Variants in ABCG5 observed in about 807,000 individuals in gnomAD.
The protein encoded by ABCG5 is ATP binding cassette subfamily G member 5.
Under a neutral mutation model 64.5 loss-of-function variants are expected in ABCG5, and 64 were observed. The ratio of observed to expected loss-of-function variants is 0.99; its 90% CI spans 0.81 to 1.22. ABCG5 has a LOEUF of 1.22. Ranked by LOEUF, ABCG5 falls within the 50% of genes most tolerant of loss-of-function variation. The pLI, the probability that ABCG5 is intolerant of heterozygous loss-of-function variation, is 0.00. For synonymous variants in ABCG5, 385 were observed against 326.3 expected, an observed-to-expected ratio of 1.18 and a Z score of -1.94; for missense variants, 908 against 829.5, an observed-to-expected ratio of 1.09 and a Z score of -1.16.
downstream of ABCG5, among the ~76,000 whole-genome samples, chr2:43,811,025 G>A (rs571683937): frequency 2.2e-4 from 34 of 152,248 alleles, no homozygotes; most frequent in South Asian, 6.2e-3. Flanking sequence ...TTGAAGTCAC[G>A]TGTGATGTCA....
chr2:43,831,336 C>T (rs1363936344), intron 4 of ABCG5, among the ~76,000 whole-genome samples: 1 of 152,098 alleles, frequency 6.6e-6, no homozygotes, highest in Non-Finnish European at 1.5e-5. Context: ...CCACGTCCAA[C>T]TAATTTTTGT....
At chr2:43,820,145 T>C in intron 10 of ABCG5, 45 bp from the exon 11 acceptor site, 1 of 1,584,894 alleles carries the variant, frequency 6.3e-7, no homozygotes, top group South Asian at 1.1e-5. Flanking sequence ...AGGGCTATCA[T>C]TTAAGAAAAA....
intron 11 of ABCG5, among the ~76,000 whole-genome samples, chr2:43,819,336 T>A (rs1667039448): frequency 6.6e-6 from 1 of 152,108 alleles, no homozygotes; most frequent in Admixed American, 6.5e-5. Flanking sequence ...TACAGAACAT[T>A]GATAAAATAC....
rs768197228 is a variant in ABCG5 at position 43,824,042 on chromosome 2, A to G, written c.1195T>C (p.Phe399Leu). ...ACCCGCAGAACGAAGAAAAGGAGGA[A>G]CAAACCCATGATCAGATTCTGAAGG... ...RLLQNLIMGL[F>L]LLFFVLRVRS... Residue 399 changes from phenylalanine to leucine, a missense_variant, in exon 9 of 13, where the codon TTC (phenylalanine) becomes CTC (leucine). Physicochemically the swap from Phe to Leu is conservative, Grantham distance 22 (BLOSUM62 0). Coordinates refer to ENST00000405322, the MANE Select transcript of ABCG5 (RefSeq NM_022436.3). 7 of 1,614,114 alleles carry G rather than the reference A, an allele frequency of 4.3e-6. No individual in the cohort carries two copies. The East Asian group carries it at 1.3e-4, about 31-fold the overall frequency.
chr2:43,806,433 C>T, the ABCG5 span, among the ~76,000 whole-genome samples: 1 of 152,086 alleles, frequency 6.6e-6, no homozygotes, highest in African/African-American at 2.4e-5. Flanking sequence ...GTAAGCAAAA[C>T]ATTTTATGTA....
At chr2:43,815,255 C>A (rs780434244) in intron 11 of ABCG5, among the ~76,000 whole-genome samples, 3 of 152,208 alleles carry the variant, frequency 2.0e-5, no homozygotes, top group Non-Finnish European at 2.9e-5. Flanking sequence ...ACACTGTGGT[C>A]TTCTTAGTCC....
At chr2:43,827,684 G>A (rs1667702996) in intron 5 of ABCG5, among the ~76,000 whole-genome samples, 1 of 152,174 alleles carries the variant, frequency 6.6e-6, no homozygotes, top group Admixed American at 6.5e-5. Context: ...TTGCCCTGGT[G>A]AGAAGAAATG....
chr2:43,834,855 C>T (rs574254893), intron 2 of ABCG5, among the ~76,000 whole-genome samples: 27 of 152,324 alleles, frequency 1.8e-4, no homozygotes, highest in Admixed American at 1.3e-3. Context: ...AGACTATACT[C>T]TAGTGAGACT....
chr2:43,824,958 C>T lies in ABCG5; in HGVS notation c.835G>A (p.Glu279Lys), dbSNP rs1464049604. 1 of 1,613,914 alleles carries T rather than the reference C, an allele frequency of 6.2e-7. No individual in the cohort carries two copies. The highest frequency in any genetic ancestry group is 8.5e-7 in the Non-Finnish European group (1 of 1,179,978). ...GELIFCGTPAEMLDFFNDCGY... is the reference protein window; with the variant it reads ...GELIFCGTPAKMLDFFNDCGY... ...CAGTCATTGAAGAAATCAAGCATTT[C>T]CGCTGGCGTGCCACAGAAAATCAGC... The change falls in exon 7 of 13, where the codon GAA (glutamate) becomes AAA (lysine). Residue 279 changes from glutamate to lysine, a missense_variant. Glu to Lys is a moderately conservative substitution (Grantham distance 56). Transcript: ENST00000405322.
chr2:43,836,486 C>A (rs977595619), intron 2 of ABCG5, among the ~76,000 whole-genome samples: 6 of 152,186 alleles, frequency 3.9e-5, no homozygotes, highest in Admixed American at 6.5e-5. Context: ...TTGTCAGAAG[C>A]TTTTAACCTT....
In ABCG5 at chr2:43,824,135, C is replaced by T. The variant is rs1237767930; in HGVS notation, c.1119-17G>A. 1 of 1,614,188 alleles carries T rather than the reference C, an allele frequency of 6.2e-7. No homozygotes were observed. The highest frequency in any genetic ancestry group is 1.7e-5 in the Admixed American group (1 of 60,028). On this transcript the variant is annotated splice_polypyrimidine_tract_variant and intron_variant, in intron 8 of 12. Transcript: ENST00000405322. ...GTCACTCTCCTGAAAACAAACAACC[C>T]TGTTTTAATTCCTTTTCAGAATTGT... is the stretch of plus-strand genomic sequence containing the variant.
At chr2:43,828,469 CTA>C (rs1274738533) in intron 4 of ABCG5, 1 of 153,972 alleles carries the variant, frequency 6.5e-6, no homozygotes, top group East Asian at 2.5e-4. Flanking sequence ...GACCCTGTCT[CTA>C]CAAAAAAAAA....
chr2:43,808,634 G>T (rs1250737101), downstream of ABCG5, among the ~76,000 whole-genome samples: 1 of 152,158 alleles, frequency 6.6e-6, no homozygotes. Flanking sequence ...AATTGTAAAG[G>T]TAAGATATAC....
At chr2:43,831,400 T>G (rs1667938046) in intron 4 of ABCG5, among the ~76,000 whole-genome samples, 1 of 152,160 alleles carries the variant, frequency 6.6e-6, no homozygotes, top group Admixed American at 6.5e-5. Context: ...CTCAAACTTC[T>G]AGACTCAAGC....
intron 11 of ABCG5, among the ~76,000 whole-genome samples, chr2:43,819,634 G>A (rs536264008): frequency 1.1e-4 from 16 of 152,076 alleles, no homozygotes; most frequent in African/African-American, 3.4e-4. Context: ...TGGAACATCC[G>A]GGCTGGTTTT....
chr2:43,837,396 C>T (rs187764633), intron 2 of ABCG5, among the ~76,000 whole-genome samples: 10 of 152,270 alleles, frequency 6.6e-5, no homozygotes, highest in African/African-American at 2.4e-4. Context: ...GCTGGGATTA[C>T]AGTCATAAGC....
Position 43,838,724 on chromosome 2 carries a change from C to G in ABCG5, c.-45G>C. 1 of 1,605,860 alleles carries G rather than the reference C, an allele frequency of 6.2e-7. No homozygotes were observed. The highest frequency in any genetic ancestry group is 8.5e-7 in the Non-Finnish European group (1 of 1,176,618). ...TGGGCAAATTTTCTGGTGGCCGGAC[C>G]CTCCCCAGAGTGGCTTCAGTTGGGG... On this transcript the variant is annotated 5_prime_UTR_variant, in exon 1 of 13. Coordinates refer to ENST00000405322, the MANE Select transcript of ABCG5 (RefSeq NM_022436.3). This position sits in a 1 kb window ranked among gnomAD's most constrained non-coding sequence, Gnocchi z 4.2.
intron 9 of ABCG5, among the ~76,000 whole-genome samples, chr2:43,823,655 C>T (rs1321814050): frequency 2.0e-5 from 3 of 152,130 alleles, no homozygotes; most frequent in Admixed American, 2.0e-4. Context: ...TTGAAAAACT[C>T]CTCAAACTCT....
rs1265893202 is a variant in ABCG5, at chr2:43,838,061, G to A, written c.144-106C>T. 8.7e-6 allele frequency: 13 copies of A among 1,495,846 alleles called. No homozygotes were observed. The highest frequency in any genetic ancestry group is 5.5e-5 in the African/African-American group (4 of 72,348). The allele number at this position is 1,495,846 out of a possible 1,614,324, so 92.7% of individuals were successfully genotyped here. A position where few individuals can be genotyped will look rare whatever the true frequency, so the allele number is the denominator to read the frequency against. On this transcript the variant is annotated intron_variant, in intron 1 of 12. Coordinates refer to ENST00000405322, the MANE Select transcript of ABCG5 (RefSeq NM_022436.3). The surrounding 1 kb of genome is among the most constrained non-coding windows in gnomAD (Gnocchi z 4.2). The stretch of plus-strand genomic sequence containing the variant: ...CCTGTGCCCCACCCCAGTAGTCTCC[G>A]GACAGGCTCCTAACGTGTTTCAGTC...
Sources: allele counts gnomAD v4.1 joint callset (sites outside exome capture counted in the v4.1 genomes callset), GRCh38; gene constraint gnomAD v4.1.1; non-coding constraint Gnocchi (gnomAD v3.1); transcripts MANE v1.5; gene names NCBI Gene and HGNC (gene_info 2026-07-23, HGNC 2026-07-21).